CLINT1: variants seen among roughly 807,000 people sequenced by gnomAD.
CLINT1 encodes the protein clathrin interacting protein localized in the trans-Golgi region.
A neutral mutation model predicts 70.4 loss-of-function variants in CLINT1; 15 were observed. That is an observed-to-expected ratio of 0.21 (90% CI 0.14 to 0.33). CLINT1 has a LOEUF of 0.33. Ranked by LOEUF, CLINT1 falls within the 10% of genes least tolerant of loss-of-function variation. The probability of loss-of-function intolerance (pLI) is 1.00; values close to 1 mark genes in which losing one functional copy is unlikely to be tolerated. For synonymous variants in CLINT1, 227 were observed against 254.7 expected (o/e 0.89, Z 1.04); for missense variants, 615 against 778.1 (o/e 0.79, Z 2.49).
intron 1 of CLINT1, among the ~76,000 whole-genome samples, chr5:157,848,405 ATTAT>A (rs1224557921): frequency 6.7e-6 from 1 of 148,616 alleles, no homozygotes; most frequent in Non-Finnish European, 1.5e-5. Context: ...CCTAAGAATT[ATTAT>A]TTTTTTTTTT....
chr5:157,855,141 C>G (rs1226494539), intron 1 of CLINT1, among the ~76,000 whole-genome samples: 1 of 97,122 alleles, frequency 1.0e-5, no homozygotes, highest in Non-Finnish European at 1.8e-5. Flanking sequence ...GAACTGTCTC[C>G]GAAAAAAAAA....
chr5:157,788,968 G>GAAAAAAAAAAAAAAA (rs58634730), intron 11 of CLINT1, among the ~76,000 whole-genome samples: 3 of 95,580 alleles, frequency 3.1e-5, no homozygotes, highest in East Asian at 2.8e-4. Flanking sequence ...CTCCATCTCA[G>GAAAAAAAAAAAAAAA]AAAAAAAAAA....
chr5:157,789,914 T>A (rs567974763), intron 10 of CLINT1: 13 of 227,136 alleles, frequency 5.7e-5, no homozygotes, highest in African/African-American at 1.9e-4. Flanking sequence ...AAAACAGAAT[T>A]CAGAGGCCAG....
At chr5:157,814,976 T>C (rs888516737) in intron 3 of CLINT1, among the ~76,000 whole-genome samples, 1 of 145,844 alleles carries the variant, frequency 6.9e-6, no homozygotes, top group African/African-American at 2.6e-5. Context: ...GAGGTTGCAG[T>C]GAGCTGAGCC....
intron 1 of CLINT1, among the ~76,000 whole-genome samples, chr5:157,821,151 C>A (rs1033411619): frequency 6.6e-6 from 1 of 152,014 alleles, no homozygotes; most frequent in South Asian, 2.1e-4. Flanking sequence ...TTTCTACTTA[C>A]ATTTCCTTTC....
At chr5:157,801,691 G>C (rs996754171) in intron 8 of CLINT1, among the ~76,000 whole-genome samples, 4 of 152,094 alleles carry the variant, frequency 2.6e-5, no homozygotes, top group African/African-American at 9.7e-5. Flanking sequence ...AAATTAGCCA[G>C]GCATGGTGGC....
At chr5:157,853,255 C>T (rs1753633923) in intron 1 of CLINT1, among the ~76,000 whole-genome samples, 1 of 151,554 alleles carries the variant, frequency 6.6e-6, no homozygotes, top group Non-Finnish European at 1.5e-5. Context: ...AGGAGACTCG[C>T]TGGAACCTGG....
rs1186413449 is a variant in CLINT1, at chr5:157,809,663, C to T, written c.660G>A (p.Arg220=). Residue 220 remains arginine, a synonymous_variant, in exon 6 of 12, where the codon CGG becomes CGA. Transcript: ENST00000411809. ...STIDDTISKF[R]RKDREDSPER... is the part of the protein sequence containing the mutation. The stretch of plus-strand genomic sequence containing the variant: ...CTGGAGAGTCTTCTCTATCTTTCCT[C>T]CGGAACTTGCTGATGGTGTCATCAA... The T allele has an allele frequency of 2.5e-6, 4 of 1,612,686 alleles. No individual in the cohort carries two copies. Among genetic ancestry groups the T allele is most frequent in the Non-Finnish European group, 3.4e-6 (4 of 1,179,366 alleles).
chr5:157,843,756 A>G (rs369386125), intron 1 of CLINT1, among the ~76,000 whole-genome samples: 2 of 152,236 alleles, frequency 1.3e-5, no homozygotes, highest in African/African-American at 4.8e-5. Flanking sequence ...ATCTAAAAAA[A>G]GTAGTAAAAT....
At chr5:157,788,977 A>G (rs1303343802) in intron 11 of CLINT1, among the ~76,000 whole-genome samples, 2 of 114,244 alleles carry the variant, frequency 1.8e-5, no homozygotes, top group East Asian at 2.8e-4. Flanking sequence ...AGAAAAAAAA[A>G]AAAAAAAAAA....
intron 1 of CLINT1, among the ~76,000 whole-genome samples, chr5:157,854,562 T>G (rs1232832763): frequency 1.3e-5 from 2 of 152,162 alleles, no homozygotes; most frequent in African/African-American, 4.8e-5. Context: ...GAAACCAGAC[T>G]ACTAATCCAA....
chr5:157,835,396 T>C (rs139258163), intron 1 of CLINT1, among the ~76,000 whole-genome samples: 18 of 152,316 alleles, frequency 1.2e-4, no homozygotes, highest in African/African-American at 3.8e-4. Context: ...ACGTACTGAC[T>C]GGCTAAAGAA....
chr5:157,842,140 T>C (rs1178730448), intron 1 of CLINT1, among the ~76,000 whole-genome samples: 1 of 152,202 alleles, frequency 6.6e-6, no homozygotes, highest in African/African-American at 2.4e-5. Context: ...TACCGAATGT[T>C]GATAATTAAA....
intron 8 of CLINT1, among the ~76,000 whole-genome samples, chr5:157,798,597 A>G (rs1762129128): frequency 6.6e-6 from 1 of 152,192 alleles, no homozygotes; most frequent in Non-Finnish European, 1.5e-5. Context: ...ATGTAAATAC[A>G]TGACAAAGAA....
chr5:157,858,845 G>T, intron 1 of CLINT1, 85 bp downstream of exon 1: 1 of 1,431,808 alleles, frequency 7.0e-7, no homozygotes. Flanking sequence ...CGTGACGTGG[G>T]CAACCCCTAG....
intron 1 of CLINT1, among the ~76,000 whole-genome samples, chr5:157,837,411 TACACACACAC>T (rs112077491): frequency 1.4e-5 from 2 of 147,670 alleles, no homozygotes; most frequent in Admixed American, 6.8e-5. Flanking sequence ...TATATGTAAA[TACACACACAC>T]ACACACACAC....
intron 10 of CLINT1, 75 bp downstream of exon 10, chr5:157,791,628 C>T (rs1229464778): frequency 7.4e-7 from 1 of 1,357,570 alleles, no homozygotes; most frequent in Non-Finnish European, 1.0e-6. Context: ...CTGTTTTATA[C>T]TAATCTATCA....
intron 8 of CLINT1, 124 bp from the exon 9 acceptor site, chr5:157,795,096 T>G: frequency 1.4e-6 from 1 of 718,458 alleles, no homozygotes; most frequent in Non-Finnish European, 2.4e-6. Flanking sequence ...TCACAAAAGC[T>G]AAAGCTAGTC....
At chr5:157,805,207 G>A (rs1762350565) in intron 7 of CLINT1, among the ~76,000 whole-genome samples, 1 of 152,134 alleles carries the variant, frequency 6.6e-6, no homozygotes, top group African/African-American at 2.4e-5. Context: ...TATTTCTCTT[G>A]CAAAGACACA....
Sources: gnomAD v4.1 joint callset for allele counts (sites outside exome capture counted in the v4.1 genomes callset) on GRCh38, gnomAD v4.1.1 for gene constraint, MANE v1.5 for transcripts, NCBI Gene and HGNC (gene_info 2026-07-23, HGNC 2026-07-21) for gene names.